The following PLEKHD1 variants were observed in gnomAD, a reference collection of about 807,000 sequenced individuals.
PLEKHD1 encodes pleckstrin homology and coiled-coil domain containing D1.
PLEKHD1 carries 51 observed loss-of-function variants against 69.2 expected under a neutral mutation model. The observed-to-expected ratio is 0.74, with a 90% CI of 0.59 to 0.93. PLEKHD1 has a LOEUF of 0.93. Ranked by LOEUF, PLEKHD1 falls within the 40% of genes least tolerant of loss-of-function variation. The probability of loss-of-function intolerance (pLI) is 0.00; values close to 1 mark genes in which losing one functional copy is unlikely to be tolerated. For missense variants in PLEKHD1, 584 were observed against 641.0 expected (o/e 0.91, Z 0.96); for synonymous variants, 236 against 244.7 (o/e 0.96, Z 0.33).
intron 1 of PLEKHD1, among the ~76,000 whole-genome samples, chr14:69,488,432 G>A (rs1270762140): frequency 6.6e-6 from 1 of 152,172 alleles, no homozygotes; most frequent in African/African-American, 2.4e-5. Flanking sequence ...GGTGACCCTG[G>A]GGTTTGGTCT....
intron 6 of PLEKHD1, among the ~76,000 whole-genome samples, chr14:69,519,892 T>A (rs1331806055): frequency 6.6e-6 from 1 of 152,092 alleles, no homozygotes; most frequent in Non-Finnish European, 1.5e-5. Flanking sequence ...CCGCGCACGG[T>A]GGCTCACGCC....
At chr14:69,503,219 T>C (rs1030836512) in intron 6 of PLEKHD1, 25 of 329,172 alleles carry the variant, frequency 7.6e-5, no homozygotes, top group East Asian at 5.0e-4. Context: ...CTGTTATCCA[T>C]AGAGGGCTAT....
intron 1 of PLEKHD1, among the ~76,000 whole-genome samples, chr14:69,498,193 C>T (rs1047637042): frequency 1.3e-5 from 2 of 151,594 alleles, no homozygotes; most frequent in Non-Finnish European, 2.9e-5. Flanking sequence ...ATTCTCCTGC[C>T]ACAGCCTCCT....
chr14:69,515,406 T>TCCTACCCCAGTACTGGTTCC (rs1883363090), intron 6 of PLEKHD1, among the ~76,000 whole-genome samples: 1 of 151,846 alleles, frequency 6.6e-6, no homozygotes, highest in Admixed American at 6.6e-5. Context: ...GTTCAGGTTT[T>TCCTACCCCAGTACTGGTTCC]CCTACCCCAG....
At position 69,528,335 on chromosome 14, in the gene PLEKHD1, G is replaced by A. The variant is rs1314609086; in HGVS notation, c.1437G>A (p.Arg479=). 1.3e-6 allele frequency: 2 copies of A among 1,551,602 alleles called. No individual in the cohort carries two copies. The highest frequency in any genetic ancestry group is 2.4e-5 in the East Asian group (1 of 40,932). ...ELKEVAKRLS[R]DQRFRESIYH... ...AGGAGGTGGCCAAGCGGCTCAGCAG[G>A]GACCAGCGCTTCCGGGAATCCATCT... The change falls in exon 13 of 13, where the codon AGG becomes AGA. Residue 479 remains arginine, a synonymous_variant. Coordinates refer to ENST00000322564, the MANE Select transcript of PLEKHD1 (RefSeq NM_001161498.2).
intron 6 of PLEKHD1, among the ~76,000 whole-genome samples, chr14:69,513,006 C>T (rs1396938655): frequency 6.6e-6 from 1 of 151,978 alleles, no homozygotes; most frequent in Non-Finnish European, 1.5e-5. Flanking sequence ...AGGAGGATTA[C>T]TTGAACCCAG....
chr14:69,520,585 C>T (rs1049192592), intron 6 of PLEKHD1, among the ~76,000 whole-genome samples: 6 of 151,924 alleles, frequency 3.9e-5, no homozygotes, highest in African/African-American at 9.7e-5. Flanking sequence ...AAAAATTAGC[C>T]GGGTGTGGTG....
chr14:69,501,631 G>A (rs907181996), intron 4 of PLEKHD1, 103 bp from the exon 5 acceptor site: 25 of 836,494 alleles, frequency 3.0e-5, no homozygotes, highest in Non-Finnish European at 3.7e-5. Context: ...AAGGGTGGGC[G>A]AGTACAAAAC....
chr14:69,513,441 G>A (rs906713835), intron 6 of PLEKHD1, among the ~76,000 whole-genome samples: 1 of 152,150 alleles, frequency 6.6e-6, no homozygotes, highest in Non-Finnish European at 1.5e-5. Flanking sequence ...CAGCAAGATT[G>A]GTTACAGCTT....
intron 7 of PLEKHD1, among the ~76,000 whole-genome samples, chr14:69,523,560 C>G (rs1196290826): frequency 2.6e-5 from 4 of 152,170 alleles, no homozygotes; most frequent in African/African-American, 9.7e-5. Context: ...GACGTATGAT[C>G]TGGTTGGGGA....
At chr14:69,489,797 G>A (rs1165726619) in intron 1 of PLEKHD1, among the ~76,000 whole-genome samples, 1 of 151,988 alleles carries the variant, frequency 6.6e-6, no homozygotes, top group Non-Finnish European at 1.5e-5. Flanking sequence ...GGGGAACAGG[G>A]GTACAGCTCC....
At chr14:69,469,426 G>C in the PLEKHD1 span, among the ~76,000 whole-genome samples, 1 of 150,266 alleles carries the variant, frequency 6.7e-6, no homozygotes, top group South Asian at 2.1e-4. Flanking sequence ...TTTTTTAAGA[G>C]ACAGGGTCTC....
intron 1 of PLEKHD1, among the ~76,000 whole-genome samples, chr14:69,492,864 G>A (rs534895940): frequency 2.0e-5 from 3 of 152,170 alleles, no homozygotes; most frequent in East Asian, 3.9e-4. Flanking sequence ...CGACCTCCTG[G>A]TCTCAAGCAA....
At chr14:69,512,020 G>T (rs1883282679) in intron 6 of PLEKHD1, among the ~76,000 whole-genome samples, 2 of 152,184 alleles carry the variant, frequency 1.3e-5, no homozygotes. Flanking sequence ...GCCCCTCTGG[G>T]CCTGGTGCTT....
At chr14:69,484,661 G>A (rs1175305664), upstream of PLEKHD1, 3 of 286,144 alleles carry the variant, frequency 1.0e-5, no homozygotes, top group East Asian at 6.5e-5. Flanking sequence ...CTGTCGCCGG[G>A]GGGGTGGGTG....
At chr14:69,523,401 C>A (rs1050969288) in intron 7 of PLEKHD1, among the ~76,000 whole-genome samples, 1 of 152,106 alleles carries the variant, frequency 6.6e-6, no homozygotes, top group Non-Finnish European at 1.5e-5. Context: ...TTATAACAAC[C>A]TTATCCAAGG....
rs148304589 is a variant in PLEKHD1, at chr14:69,524,984, T to C, written c.744+662T>C. Reference sequence around the variant, plus strand: ...CCATACCTTTTCCCACACTGTTCCTTCTACACAGTGTATCATTTCCACCTT... The same window carrying C: ...CCATACCTTTTCCCACACTGTTCCTCCTACACAGTGTATCATTTCCACCTT... On this transcript the variant is annotated intron_variant, in intron 8 of 12. Coordinates refer to ENST00000322564, the MANE Select transcript of PLEKHD1 (RefSeq NM_001161498.2). 1.5e-3 allele frequency among the ~76,000 whole-genome samples: 228 copies of C among 152,244 alleles called. 1 individual carries two copies. Among genetic ancestry groups the C allele is most frequent in the African/African-American group, 5.1e-3 (210 of 41,542 alleles).
At position 69,528,529 on chromosome 14, in the gene PLEKHD1, C is replaced by T. The variant is rs1883717448; in HGVS notation, c.*110C>T. 7.4e-6 allele frequency: 10 copies of T among 1,356,764 alleles called. No individual in the cohort carries two copies. Among genetic ancestry groups the T allele is most frequent in the Non-Finnish European group, 9.8e-6 (10 of 1,019,012 alleles). 84.0% of individuals were successfully genotyped at this position (1,356,764 alleles called of 1,614,324 possible). On this transcript the variant is annotated 3_prime_UTR_variant, in exon 13 of 13. Coordinates refer to ENST00000322564, the MANE Select transcript of PLEKHD1 (RefSeq NM_001161498.2). Reference sequence around the variant, plus strand: ...GCTCCTGGCCTCTCTGGTCTGGAGCCTATGTCTCCTCTGGGCCGGAGCTCC... The same window carrying T: ...GCTCCTGGCCTCTCTGGTCTGGAGCTTATGTCTCCTCTGGGCCGGAGCTCC...
At chr14:69,501,710 G>C (rs1335458994) in intron 4 of PLEKHD1, 24 bp from the exon 5 acceptor site, 1 of 1,515,296 alleles carries the variant, frequency 6.6e-7, no homozygotes, top group Non-Finnish European at 9.0e-7. Context: ...TCTCTCCTCT[G>C]TCCCATCTGC....
Sources: gnomAD v4.1 joint callset for allele counts (sites outside exome capture counted in the v4.1 genomes callset) on GRCh38, gnomAD v4.1.1 for gene constraint, MANE v1.5 for transcripts, NCBI Gene and HGNC (gene_info 2026-07-23, HGNC 2026-07-21) for gene names.